Variants in EVI5 observed in about 807,000 individuals in gnomAD.
The protein encoded by EVI5 is ecotropic viral integration site 5 protein homolog.
A neutral mutation model predicts 112.0 loss-of-function variants in EVI5; 73 were observed. The ratio of observed to expected loss-of-function variants is 0.65; its 90% CI spans 0.54 to 0.79. The LOEUF (loss-of-function observed/expected upper bound fraction) is 0.79. Among genes scored for constraint, EVI5 ranks in the 30% least tolerant of loss-of-function variants. The pLI is 0.00. For missense variants in EVI5, 900 were observed against 968.8 expected, an observed-to-expected ratio of 0.93 and a Z score of 0.94; for synonymous variants, 305 against 319.9, an observed-to-expected ratio of 0.95 and a Z score of 0.50.
chr1:92,735,607 TTATA>T (rs1196669293), intron 2 of EVI5, among the ~76,000 whole-genome samples: 1 of 146,128 alleles, frequency 6.8e-6, no homozygotes, highest in Non-Finnish European at 1.5e-5. Context: ...ATATTATGTA[TTATA>T]TATAATTATA....
At chr1:92,556,913 C>G (rs2100820999) in intron 19 of EVI5, among the ~76,000 whole-genome samples, 1 of 151,982 alleles carries the variant, frequency 6.6e-6, no homozygotes, top group African/African-American at 2.4e-5. Context: ...GGGTTCAGAG[C>G]AAGCCTCCTG....
chr1:92,554,272 C>T (rs1182550007), intron 19 of EVI5, among the ~76,000 whole-genome samples: 1 of 152,140 alleles, frequency 6.6e-6, no homozygotes, highest in Non-Finnish European at 1.5e-5. Flanking sequence ...TAAACAAATG[C>T]TTATAGAACT....
chr1:92,674,141 TAAG>T (rs745459598), intron 10 of EVI5, among the ~76,000 whole-genome samples: 1 of 152,104 alleles, frequency 6.6e-6, no homozygotes, highest in Non-Finnish European at 1.5e-5. Flanking sequence ...GGAGTGTGTG[TAAG>T]AAGTAGCATT....
At chr1:92,738,183 G>A (rs574453456) in intron 1 of EVI5, among the ~76,000 whole-genome samples, 1 of 152,136 alleles carries the variant, frequency 6.6e-6, no homozygotes, top group Non-Finnish European at 1.5e-5. Flanking sequence ...AACTTTATTT[G>A]TGCCACGAAA....
At chr1:92,723,098 T>C (rs1377995567) in intron 2 of EVI5, among the ~76,000 whole-genome samples, 2 of 152,344 alleles carry the variant, frequency 1.3e-5, no homozygotes, top group East Asian at 3.9e-4. Context: ...GCTACTGTTG[T>C]CTGTCTCCAT....
Position 92,724,689 on chromosome 1 carries a change from T to A in EVI5, c.149+11709A>T, listed in dbSNP as rs142334118. ...TGGGCATAGTGGCACACACCTATAG[T>A]CCCAGCTACTCGGGAGGCAGAGGTG... On this transcript the variant is annotated intron_variant, in intron 2 of 19. Transcript: ENST00000684568. 2.7e-3 allele frequency among the ~76,000 whole-genome samples: 408 copies of A among 151,996 alleles called. 3 individuals carry two copies. The highest frequency in any genetic ancestry group is 9.1e-3 in the African/African-American group (376 of 41,424).
intron 19 of EVI5, among the ~76,000 whole-genome samples, chr1:92,554,148 T>C (rs377510170): frequency 6.6e-6 from 1 of 152,190 alleles, no homozygotes; most frequent in South Asian, 2.1e-4. Flanking sequence ...TTAGATAGAA[T>C]AGAAGTGCAG....
At chr1:92,735,371 C>T (rs1040079812) in intron 2 of EVI5, among the ~76,000 whole-genome samples, 7 of 151,798 alleles carry the variant, frequency 4.6e-5, no homozygotes, top group South Asian at 2.1e-4. Context: ...CTGGGGACAG[C>T]GACGGGGATA....
intron 2 of EVI5, chr1:92,714,182 C>T (rs1673269715): frequency 1.0e-6 from 1 of 973,904 alleles, no homozygotes; most frequent in Non-Finnish European, 1.2e-6. Context: ...GGGGTTGCTA[C>T]ATGCACTTAT....
At chr1:92,618,124 A>G (rs1261776897) in intron 16 of EVI5, among the ~76,000 whole-genome samples, 1 of 152,222 alleles carries the variant, frequency 6.6e-6, no homozygotes, top group Non-Finnish European at 1.5e-5. Flanking sequence ...CCAGAAGGCC[A>G]TGTATGCTCT....
At chr1:92,636,057 T>C in intron 14 of EVI5, 145 bp downstream of exon 14, 1 of 632,670 alleles carries the variant, frequency 1.6e-6, no homozygotes, top group South Asian at 3.2e-5. Context: ...TTAAAAATCT[T>C]TTTTTCCTTT....
At chr1:92,685,942 G>A (rs1329822009) in intron 9 of EVI5, among the ~76,000 whole-genome samples, 2 of 152,096 alleles carry the variant, frequency 1.3e-5, no homozygotes, top group East Asian at 3.9e-4. Context: ...GGACCTGATG[G>A]ATTCACAGTC....
intron 1 of EVI5, among the ~76,000 whole-genome samples, chr1:92,739,556 T>C (rs2102840529): frequency 6.6e-6 from 1 of 152,282 alleles, no homozygotes; most frequent in Middle Eastern, 3.4e-3. Flanking sequence ...TAAATGCCAC[T>C]GAATTATACA....
intron 19 of EVI5, among the ~76,000 whole-genome samples, chr1:92,525,020 G>A (rs1213491766): frequency 6.6e-6 from 1 of 151,902 alleles, no homozygotes; most frequent in Non-Finnish European, 1.5e-5. Flanking sequence ...TAGAGACAGG[G>A]TTTCACCATG....
At chr1:92,690,350 CTT>C (rs34227828) in intron 9 of EVI5, among the ~76,000 whole-genome samples, 365 of 135,882 alleles carry the variant, frequency 2.7e-3, no homozygotes, top group Non-Finnish European at 3.0e-3. Flanking sequence ...CCCAATGATA[CTT>C]TTTTTTTTTT....
chr1:92,537,896 T>C (rs952517137), intron 19 of EVI5, among the ~76,000 whole-genome samples: 24 of 152,014 alleles, frequency 1.6e-4, no homozygotes, highest in African/African-American at 5.8e-4. Flanking sequence ...ATATAAAATT[T>C]AGAATGAAAA....
At chr1:92,788,898 A>G (rs748541802), upstream of EVI5, among the ~76,000 whole-genome samples, 2 of 152,234 alleles carry the variant, frequency 1.3e-5, no homozygotes, top group Non-Finnish European at 2.9e-5. Flanking sequence ...GGTATTGGCT[A>G]AGGCTGTATA....
chr1:92,541,429 T>C (rs144718485), intron 19 of EVI5, among the ~76,000 whole-genome samples: 4 of 152,210 alleles, frequency 2.6e-5, no homozygotes, highest in Admixed American at 6.5e-5. Flanking sequence ...ATCAAAACCA[T>C]AATGAGATAC....
Position 92,564,682 on chromosome 1 carries a change from A to AT in EVI5, c.2071-946dup, listed in dbSNP as rs11313353. Among the ~76,000 whole-genome samples, 45 of 126,332 alleles carry AT rather than the reference A, an allele frequency of 3.6e-4. No homozygotes were observed. The East Asian group carries it at 3.7e-3, about 10-fold the overall frequency. 82.9% of individuals were successfully genotyped at this position (126,332 alleles called of 152,430 possible). A position where few individuals can be genotyped will look rare whatever the true frequency, so the allele number is the denominator to read the frequency against. The stretch of plus-strand genomic sequence containing the variant: ...AACATAAATTATTTTTCAGATAAAG[A>AT]TTTTTTTTTTTTTTTTTGAGATGGA... On this transcript the variant is annotated intron_variant, in intron 18 of 19. Transcript: ENST00000684568.
Sources: gnomAD v4.1 joint callset for allele counts (sites outside exome capture counted in the v4.1 genomes callset) on GRCh38, gnomAD v4.1.1 for gene constraint, MANE v1.5 for transcripts, NCBI Gene and HGNC (gene_info 2026-07-23, HGNC 2026-07-21) for gene names.